Variants in HGFAC observed in about 807,000 individuals in gnomAD.
HGFAC encodes the protein HGF activator.
In HGFAC, 76 loss-of-function variants were observed where a neutral mutation model predicts 70.6. The ratio of observed to expected loss-of-function variants is 1.08; its 90% CI spans 0.89 to 1.30. The LOEUF is 1.30. HGFAC is among the 50% of genes most tolerant of loss of function. The pLI, the probability that HGFAC is intolerant of heterozygous loss-of-function variation, is 0.00. For missense variants in HGFAC, 1,044 were observed against 933.7 expected (o/e 1.12, Z -1.54); for synonymous variants, 464 against 405.3 (o/e 1.14, Z -1.74).
chr4:3,445,232 G>T, intron 8 of HGFAC, 33 bp from the exon 9 acceptor site: 1 of 1,524,320 alleles, frequency 6.6e-7, no homozygotes, highest in South Asian at 1.2e-5. Flanking sequence ...GGGGCAGTGT[G>T]ACTCCCTGCC....
intron 4 of HGFAC, 78 bp downstream of exon 4, chr4:3,443,498 G>A (rs979568060): frequency 4.3e-5 from 40 of 921,196 alleles, no homozygotes; most frequent in African/African-American, 7.0e-5. Context: ...AGGATGGGGC[G>A]GACCCGGGCA....
intron 6 of HGFAC, 23 bp downstream of exon 6, chr4:3,444,465 T>C: frequency 6.4e-7 from 1 of 1,570,064 alleles, no homozygotes; most frequent in Non-Finnish European, 8.6e-7. Flanking sequence ...GTGTGAGCCG[T>C]GCCACTGACC....
rs371968209 is a variant in HGFAC at position 3,445,004 on chromosome 4, C to T, written c.1016+11C>T. The T allele has an allele frequency of 7.9e-5, 123 of 1,560,696 alleles. No individual in the cohort carries two copies. Among genetic ancestry groups the T allele is most frequent in the Middle Eastern group, 4.2e-4 (2 of 4,754 alleles). On this transcript the variant is annotated intron_variant, in intron 8 of 13. Coordinates refer to ENST00000382774, the MANE Select transcript of HGFAC (RefSeq NM_001528.4). ...CCATGCCTACTGCCGGTCAGCACCA[C>T]GCCGCTCCAGGCCGCCGCATGCGGG...
chr4:3,444,352 G>A lies in HGFAC; in HGVS notation c.640G>A (p.Gly214Ser), dbSNP rs41264743. 1 of 1,599,216 alleles carries A rather than the reference G, an allele frequency of 6.3e-7. No homozygotes were observed. Among genetic ancestry groups the A allele is most frequent in the Non-Finnish European group, 8.5e-7 (1 of 1,174,098 alleles). Residue 214 changes from glycine (G) to serine (S), a missense_variant, in exon 6 of 14, where the codon GGC becomes AGC. Physicochemically the swap from Gly to Ser is moderately conservative, Grantham distance 56. Transcript: ENST00000382774. ...DETRYEYLEG[G>S]DRWARVRQGH... ...GACCCGCTACGAGTACCTGGAGGGG[G>A]GCGACCGCTGGGCCCGCGTGCGCCA...
At position 3,449,250 on chromosome 4, in the gene HGFAC, G is replaced by A. The variant is rs1560195467; in HGVS notation, c.1799G>A (p.Gly600Glu). The stretch of plus-strand genomic sequence containing the variant: ...GTCTCTGCCCAGGGGGACTCAGGGG[G>A]GCCCCTGGCCTGCGAGAAGAACGGC... ...KSDACQGDSG[G>E]PLACEKNGVA... Residue 600 changes from glycine to glutamate, a missense_variant, in exon 14 of 14, where the codon GGG (glycine) becomes GAG (glutamate). By Grantham distance (98) the Gly-to-Glu change is moderately conservative. Coordinates refer to ENST00000382774, the MANE Select transcript of HGFAC (RefSeq NM_001528.4). 4.3e-6 allele frequency: 7 copies of A among 1,611,972 alleles called. No homozygotes were observed. Among genetic ancestry groups the A allele is most frequent in the Non-Finnish European group, 5.9e-6 (7 of 1,179,426 alleles).
intron 3 of HGFAC, 89 bp from the exon 4 acceptor site, chr4:3,443,252 C>T (rs1217605627): frequency 2.1e-5 from 28 of 1,337,918 alleles, no homozygotes; most frequent in Non-Finnish European, 2.7e-5. Flanking sequence ...AGCAGGCGGA[C>T]CCAGTGAACC....
In HGFAC at chr4:3,443,566, C is replaced by T. The variant is rs909178840; in HGVS notation, c.475+146C>T. Reference sequence around the variant, plus strand: ...CTCTGGGATTAACCCCGGTGGGTGCCACTTAGGGCCAGAGCCTCTCCCAGG... The same window carrying T: ...CTCTGGGATTAACCCCGGTGGGTGCTACTTAGGGCCAGAGCCTCTCCCAGG... On this transcript the variant is annotated intron_variant, in intron 4 of 13. Coordinates refer to ENST00000382774, the MANE Select transcript of HGFAC (RefSeq NM_001528.4). 6 of 515,660 alleles carry T rather than the reference C, an allele frequency of 1.2e-5. No individual in the cohort carries two copies. The South Asian group carries it at 2.1e-4, about 18-fold the overall frequency. 31.9% of individuals were successfully genotyped at this position (515,660 alleles called of 1,614,324 possible).
At position 3,446,092 on chromosome 4, in the gene HGFAC, G is replaced by A. The variant is rs558422332; in HGVS notation, c.1153G>A (p.Glu385Lys). Reference sequence around the variant, plus strand: ...ACCGGATCTCCTGGCGACCCTGCCTGAGCCAGCCTCCCCGGGGCGCCAGGC... The same window carrying A: ...ACCGGATCTCCTGGCGACCCTGCCTAAGCCAGCCTCCCCGGGGCGCCAGGC... ...LSPDLLATLP[E>K]PASPGRQACG... The change falls in exon 10 of 14, where the codon GAG becomes AAG. Residue 385 changes from glutamate to lysine, a missense_variant. By Grantham distance (56) the Glu-to-Lys change is moderately conservative. Coordinates refer to ENST00000382774, the MANE Select transcript of HGFAC (RefSeq NM_001528.4). The A allele has an allele frequency of 9.9e-6, 16 of 1,610,128 alleles. No individual in the cohort carries two copies. The Admixed American group carries it at 2.0e-4, about 20-fold the overall frequency.
In HGFAC at chr4:3,445,017, C is replaced by T. The variant is rs200605772; in HGVS notation, c.1016+24C>T. Reference sequence around the variant, plus strand: ...CGGTCAGCACCACGCCGCTCCAGGCCGCCGCATGCGGGGCAGGCAGGATTT... The same window carrying T: ...CGGTCAGCACCACGCCGCTCCAGGCTGCCGCATGCGGGGCAGGCAGGATTT... On this transcript the variant is annotated intron_variant, in intron 8 of 13. Coordinates refer to ENST00000382774, the MANE Select transcript of HGFAC (RefSeq NM_001528.4). The T allele has an allele frequency of 1.4e-3, 2,086 of 1,537,162 alleles. 4 individuals carry two copies. The highest frequency in any genetic ancestry group is 3.6e-3 in the Admixed American group (181 of 50,200).
upstream of HGFAC, among the ~76,000 whole-genome samples, chr4:3,441,492 C>T (rs919847685): frequency 7.9e-5 from 12 of 152,194 alleles, no homozygotes; most frequent in Admixed American, 6.5e-4. This position sits in a 1 kb window ranked among gnomAD's most constrained non-coding sequence, Gnocchi z 6.0. Flanking sequence ...GCACCGAACC[C>T]TCCAGGAGCC....
rs933695422 is a variant in HGFAC, at chr4:3,446,132, A to G, written c.1193A>G (p.His398Arg). 5.0e-6 allele frequency: 8 copies of G among 1,611,564 alleles called. No homozygotes were observed. Among genetic ancestry groups the G allele is most frequent in the Non-Finnish European group, 6.8e-6 (8 of 1,179,584 alleles). The change falls in exon 10 of 14, where the codon CAC (histidine) becomes CGC (arginine). Residue 398 changes from histidine (H) to arginine (R), a missense_variant. Transcript: ENST00000382774. ...GGGCGCCAGGCCTGCGGCAGGAGGC[A>G]CAAGAAGAGGACGTTCCTGCGGCCA... The part of the protein sequence containing the change: ...SPGRQACGRR[H>R]KKRTFLRPRI...
At chr4:3,444,240 G>T in intron 5 of HGFAC, 71 bp from the exon 6 acceptor site, 1 of 1,564,124 alleles carries the variant, frequency 6.4e-7, no homozygotes, top group South Asian at 1.2e-5. Context: ...GGTGGCTCCC[G>T]AGTGCAGGGC....
Position 3,445,335 on chromosome 4 carries a change from C to G in HGFAC, c.1087C>G (p.Arg363Gly). ...CAGCGCGCTCTCCTGGGAGTACTGC[C>G]GCCTGGAGGCCTGCGGTGCGCGGCT... ...KDSALSWEYC[R>G]LEACESLTRV... The change falls in exon 9 of 14, where the codon CGC becomes GGC. Residue 363 changes from arginine (R) to glycine (G), a missense_variant. Transcript: ENST00000382774. 2 of 1,580,246 alleles carry G rather than the reference C, an allele frequency of 1.3e-6. No homozygotes were observed. Among genetic ancestry groups the G allele is most frequent in the Non-Finnish European group, 1.7e-6 (2 of 1,163,970 alleles).
In HGFAC at chr4:3,444,913, C is replaced by T. The variant is rs771972328; in HGVS notation, c.936C>T (p.Ser312=). ...GCCTCAGCTGCCTGGCCTGGAACTC[C>T]GATCTGCTCTACCAGGAGCTGCACG... ...ASGLSCLAWN[S]DLLYQELHVD... The change falls in exon 8 of 14, where the codon TCC becomes TCT. Residue 312 remains serine (S), a synonymous_variant. Transcript: ENST00000382774. 2.7e-5 allele frequency: 43 copies of T among 1,609,584 alleles called. No homozygotes were observed. In the Middle Eastern group the frequency reaches 5.1e-4, roughly 19 times the overall value.
intron 4 of HGFAC, among the ~76,000 whole-genome samples, chr4:3,443,736 C>T (rs999139543): frequency 6.6e-6 from 1 of 152,090 alleles, no homozygotes; most frequent in Non-Finnish European, 1.5e-5. Flanking sequence ...GCCAGCCGCC[C>T]TGCTCACATG....
At position 3,446,140 on chromosome 4, in the gene HGFAC, A is replaced by T; in HGVS notation, c.1201A>T (p.Arg401Trp). ...RQACGRRHKK[R>W]TFLRPRIIGG... ...GGCCTGCGGCAGGAGGCACAAGAAG[A>T]GGACGTTCCTGCGGCCACGTATCAT... Residue 401 changes from arginine (R) to tryptophan (W), a missense_variant, in exon 10 of 14, where the codon AGG (arginine) becomes TGG (tryptophan). By Grantham distance (101) the Arg-to-Trp change is moderately radical (BLOSUM62 -3). Coordinates refer to ENST00000382774, the MANE Select transcript of HGFAC (RefSeq NM_001528.4). The T allele has an allele frequency of 6.2e-7, 1 of 1,611,830 alleles. No individual in the cohort carries two copies. The highest frequency in any genetic ancestry group is 8.5e-7 in the Non-Finnish European group (1 of 1,179,658).
intron 9 of HGFAC, chr4:3,445,677 T>C: frequency 1.7e-6 from 1 of 605,988 alleles, no homozygotes; most frequent in Non-Finnish European, 2.9e-6. Context: ...GGCCACCTGC[T>C]TCCTGCCCTG....
intron 13 of HGFAC, 47 bp from the exon 14 acceptor site, chr4:3,449,190 T>A: frequency 6.4e-7 from 1 of 1,565,484 alleles, no homozygotes; most frequent in Non-Finnish European, 8.7e-7. Context: ...GGGGGGTCCC[T>A]GAACCAGGCC....
At chr4:3,447,224 C>A (rs1725539966) in intron 10 of HGFAC, among the ~76,000 whole-genome samples, 1 of 152,206 alleles carries the variant, frequency 6.6e-6, no homozygotes, top group Non-Finnish European at 1.5e-5. Context: ...TGAGACTCCC[C>A]CCAGGGCTTG....
Sources: gnomAD v4.1 joint callset for allele counts (sites outside exome capture counted in the v4.1 genomes callset) on GRCh38, gnomAD v4.1.1 for gene constraint, Gnocchi (gnomAD v3.1) non-coding constraint, MANE v1.5 for transcripts, NCBI Gene and HGNC (gene_info 2026-07-23, HGNC 2026-07-21) for gene names.